Variants in FAM168A observed in about 807,000 individuals in gnomAD.
The protein encoded by FAM168A is protein FAM168A.
FAM168A carries 3 observed loss-of-function variants against 28.5 expected under a neutral mutation model. The ratio of observed to expected loss-of-function variants is 0.11; its 90% confidence interval spans 0.05 to 0.27. FAM168A has a LOEUF of 0.27. FAM168A is among the 10% of genes least tolerant of loss of function. The pLI is 1.00. For synonymous variants in FAM168A, 122 were observed against 124.2 expected (o/e 0.98, Z 0.12); for missense variants, 222 against 311.5 (o/e 0.71, Z 2.16).
rs149647560 is a variant in FAM168A, at chr11:73,458,389, C to T, written c.70+10016G>A. Among the ~76,000 whole-genome samples, 61 of 152,284 alleles carry T rather than the reference C, an allele frequency of 4.0e-4. 1 individual carries two copies. Among genetic ancestry groups the T allele is most frequent in the African/African-American group, 1.4e-3 (60 of 41,566 alleles). On this transcript the variant is annotated intron_variant, in intron 2 of 7. Transcript: ENST00000356467. ...GTGGGTGCTTCGCATGTAAATCAGTCACAAGCAAACACATAGTTTAATGTG... is the reference window on the plus strand; with the variant it reads ...GTGGGTGCTTCGCATGTAAATCAGTTACAAGCAAACACATAGTTTAATGTG...
At chr11:73,497,594 G>C (rs1370072139) in intron 1 of FAM168A, among the ~76,000 whole-genome samples, 1 of 152,154 alleles carries the variant, frequency 6.6e-6, no homozygotes, top group Non-Finnish European at 1.5e-5. Flanking sequence ...AACAGCACAG[G>C]ACTAGAGCAA....
At chr11:73,541,057 T>C (rs928683788) in intron 1 of FAM168A, among the ~76,000 whole-genome samples, 1 of 151,844 alleles carries the variant, frequency 6.6e-6, no homozygotes, top group Non-Finnish European at 1.5e-5. Context: ...ATACGAAAAT[T>C]AGCTGGGTGT....
At chr11:73,450,731 C>T (rs1419586611) in intron 2 of FAM168A, among the ~76,000 whole-genome samples, 1 of 150,310 alleles carries the variant, frequency 6.7e-6, no homozygotes, top group Non-Finnish European at 1.5e-5. Context: ...TTTTATGGAC[C>T]AGACAGACCC....
chr11:73,451,071 C>T (rs1867419670), intron 2 of FAM168A, among the ~76,000 whole-genome samples: 1 of 152,100 alleles, frequency 6.6e-6, no homozygotes, highest in Non-Finnish European at 1.5e-5. Flanking sequence ...GGAAGACAAA[C>T]ATAAACTAGA....
At position 73,405,709 on chromosome 11, in the gene FAM168A, G is replaced by A. The variant is rs1285383572; in HGVS notation, c.*1054C>T. Reference sequence around the variant, plus strand: ...CTTCACTTGGGCCATGAATGGCACAGGTAACCAAGAGCTTGGCCTGCCTGC... The same window carrying A: ...CTTCACTTGGGCCATGAATGGCACAAGTAACCAAGAGCTTGGCCTGCCTGC... On this transcript the variant is annotated 3_prime_UTR_variant, in exon 8 of 8. Coordinates refer to ENST00000356467, the MANE Select transcript of FAM168A (RefSeq NM_015159.3). 2.0e-5 allele frequency: 3 copies of A among 152,224 alleles called. No individual in the cohort carries two copies. Among genetic ancestry groups the A allele is most frequent in the Admixed American group, 6.5e-5 (1 of 15,290 alleles). The allele number at this position is 152,224 out of a possible 1,614,324, so 9.4% of individuals were successfully genotyped here. A position where few individuals can be genotyped will look rare whatever the true frequency, so the allele number is the denominator to read the frequency against.
At chr11:73,545,005 ATAC>A (rs1417828871) in intron 1 of FAM168A, among the ~76,000 whole-genome samples, 2 of 68,704 alleles carry the variant, frequency 2.9e-5, no homozygotes, top group African/African-American at 2.2e-4. Flanking sequence ...TATATATAAT[ATAC>A]TATATATATA....
At chr11:73,436,205 T>C (rs1354439509) in intron 2 of FAM168A, among the ~76,000 whole-genome samples, 3 of 152,242 alleles carry the variant, frequency 2.0e-5, no homozygotes, top group African/African-American at 7.2e-5. Context: ...AATCTAAGCC[T>C]CTTTTCTTGT....
chr11:73,472,089 T>C (rs1228561688), intron 1 of FAM168A, among the ~76,000 whole-genome samples: 1 of 152,122 alleles, frequency 6.6e-6, no homozygotes, highest in Non-Finnish European at 1.5e-5. Flanking sequence ...TGTGAAAATC[T>C]AATGCCCCCC....
chr11:73,413,515 A>C (rs569328228), intron 4 of FAM168A, among the ~76,000 whole-genome samples: 3 of 152,318 alleles, frequency 2.0e-5, no homozygotes, highest in African/African-American at 7.2e-5. Flanking sequence ...CAGGGAGACT[A>C]GCTTTGCAGA....
intron 1 of FAM168A, among the ~76,000 whole-genome samples, chr11:73,505,253 A>G (rs1466215982): frequency 6.6e-6 from 1 of 150,886 alleles, no homozygotes; most frequent in Non-Finnish European, 1.5e-5. Context: ...AAAAAAAAAA[A>G]AAGAGCAAGG....
chr11:73,561,466 T>C (rs1041777620), intron 1 of FAM168A, among the ~76,000 whole-genome samples: 1 of 152,128 alleles, frequency 6.6e-6, no homozygotes, highest in Admixed American at 6.6e-5. Context: ...GGGAGACATA[T>C]ATATATATAT....
At chr11:73,587,388 T>C (rs1944328291) in intron 1 of FAM168A, among the ~76,000 whole-genome samples, 1 of 151,088 alleles carries the variant, frequency 6.6e-6, no homozygotes, top group Admixed American at 6.6e-5. Context: ...GCTACTTGGA[T>C]GGCTGAGGCA....
intron 1 of FAM168A, among the ~76,000 whole-genome samples, chr11:73,469,145 T>G (rs569996538): frequency 6.6e-6 from 1 of 152,316 alleles, no homozygotes; most frequent in African/African-American, 2.4e-5. Context: ...GGGAAAGAAA[T>G]AAACTTGGAA....
At chr11:73,425,119 TA>T in intron 3 of FAM168A, 1 of 1,160,962 alleles carries the variant, frequency 8.6e-7, no homozygotes, top group East Asian at 2.7e-5. Context: ...TGCAGTTACA[TA>T]AACAGACTTT....
At chr11:73,593,443 A>T (rs1944405395) in intron 1 of FAM168A, among the ~76,000 whole-genome samples, 1 of 152,236 alleles carries the variant, frequency 6.6e-6, no homozygotes, top group Non-Finnish European at 1.5e-5. Context: ...AACCTTAAAC[A>T]AGTCATTTAA....
At chr11:73,407,804 A>G (rs1866534799) in intron 6 of FAM168A, among the ~76,000 whole-genome samples, 161 bp from the exon 7 acceptor site, 1 of 152,136 alleles carries the variant, frequency 6.6e-6, no homozygotes, top group Admixed American at 6.5e-5. Flanking sequence ...CCACCTCACC[A>G]GGCTTCACCT....
chr11:73,540,996 G>C (rs1943650029), intron 1 of FAM168A, among the ~76,000 whole-genome samples: 1 of 152,088 alleles, frequency 6.6e-6, no homozygotes, highest in African/African-American at 2.4e-5. Context: ...CCTGAGGCCA[G>C]AAGTTCAACA....
intron 1 of FAM168A, among the ~76,000 whole-genome samples, chr11:73,587,152 TAAAA>T (rs1158411875): frequency 2.5e-5 from 2 of 81,374 alleles, no homozygotes; most frequent in African/African-American, 5.0e-5. Flanking sequence ...ATGGACATGT[TAAAA>T]AAAAAAAAAA....
chr11:73,539,529 A>C (rs1289086626), intron 1 of FAM168A, among the ~76,000 whole-genome samples: 2 of 152,094 alleles, frequency 1.3e-5, no homozygotes. Flanking sequence ...TCGGCCTCCC[A>C]GCGCTGGGAT....
Sources: gnomAD v4.1 joint callset for allele counts (sites outside exome capture counted in the v4.1 genomes callset) on GRCh38, gnomAD v4.1.1 for gene constraint, MANE v1.5 for transcripts, NCBI Gene and HGNC (gene_info 2026-07-23, HGNC 2026-07-21) for gene names.